The following GALNT17 variants were observed in gnomAD, a reference collection of about 807,000 sequenced individuals.
GALNT17 encodes the protein UDP-GalNAc:polypeptide N-acetylgalactosaminyltransferase-like 3.
A neutral mutation model predicts 63.7 loss-of-function variants in GALNT17; 29 were observed. That is an observed-to-expected ratio of 0.46 (90% CI 0.34 to 0.62). The LOEUF (loss-of-function observed/expected upper bound fraction) is 0.62. Ranked by LOEUF, GALNT17 falls within the 20% of genes least tolerant of loss-of-function variation. The pLI, the probability that GALNT17 is intolerant of heterozygous loss-of-function variation, is 0.01. For missense variants in GALNT17, 603 were observed against 799.6 expected, an observed-to-expected ratio of 0.75 and a Z score of 2.97; for synonymous variants, 305 against 318.3, an observed-to-expected ratio of 0.96 and a Z score of 0.45.
intron 1 of GALNT17, among the ~76,000 whole-genome samples, chr7:71,178,093 G>A (rs1467562249): frequency 6.6e-6 from 1 of 152,094 alleles, no homozygotes; most frequent in African/African-American, 2.4e-5. Context: ...TCCTTGTAGT[G>A]TGGGTCTGCT....
intron 1 of GALNT17, among the ~76,000 whole-genome samples, chr7:71,299,072 G>A (rs1297060294): frequency 6.6e-6 from 1 of 152,084 alleles, no homozygotes; most frequent in Non-Finnish European, 1.5e-5. Context: ...TGCGGAGAGA[G>A]GGAGACTATA....
chr7:71,382,979 A>G (rs1442636028), intron 2 of GALNT17, among the ~76,000 whole-genome samples: 1 of 152,166 alleles, frequency 6.6e-6, no homozygotes, highest in Non-Finnish European at 1.5e-5. Flanking sequence ...TGAAACAGAA[A>G]CACTGCACCC....
At chr7:71,147,556 A>G (rs1419536571) in intron 1 of GALNT17, among the ~76,000 whole-genome samples, 1 of 152,170 alleles carries the variant, frequency 6.6e-6, no homozygotes, top group Admixed American at 6.5e-5. Context: ...GCATCCTTCA[A>G]TCCAATCAGA....
intron 6 of GALNT17, among the ~76,000 whole-genome samples, chr7:71,611,342 T>G (rs1232938644): frequency 1.3e-5 from 2 of 152,198 alleles, no homozygotes; most frequent in African/African-American, 4.8e-5. Context: ...ACTCACTGGA[T>G]TTTAAGATCC....
intron 5 of GALNT17, among the ~76,000 whole-genome samples, chr7:71,526,359 C>T (rs1031537543): frequency 3.3e-5 from 5 of 151,836 alleles, no homozygotes; most frequent in Non-Finnish European, 7.3e-5. Flanking sequence ...TGAGCCTAGT[C>T]GCAAAATCAG....
At chr7:71,146,337 CCTT>C (rs1408908877) in intron 1 of GALNT17, among the ~76,000 whole-genome samples, 2 of 152,182 alleles carry the variant, frequency 1.3e-5, no homozygotes, top group Admixed American at 6.5e-5. Context: ...TCCTCTCACT[CCTT>C]CTGGATTCAG....
intron 5 of GALNT17, among the ~76,000 whole-genome samples, chr7:71,551,918 A>G (rs1185983968): frequency 6.6e-6 from 1 of 152,286 alleles, no homozygotes; most frequent in East Asian, 1.9e-4. Context: ...CCTTAATGGA[A>G]ATGCAAGGTG....
chr7:71,464,604 T>C (rs539488756), intron 5 of GALNT17, among the ~76,000 whole-genome samples: 2 of 152,260 alleles, frequency 1.3e-5, no homozygotes, highest in Admixed American at 1.3e-4. Flanking sequence ...GCTGGGAAAG[T>C]GATCTTTTCA....
intron 1 of GALNT17, among the ~76,000 whole-genome samples, chr7:71,185,525 T>TTC (rs940166817): frequency 6.8e-6 from 1 of 146,048 alleles, no homozygotes; most frequent in African/African-American, 2.5e-5. Context: ...TTCTTTTCTT[T>TTC]TTTTTTTTTT....
At chr7:71,496,805 C>G (rs1251741526) in intron 5 of GALNT17, among the ~76,000 whole-genome samples, 3 of 152,014 alleles carry the variant, frequency 2.0e-5, no homozygotes, top group Non-Finnish European at 4.4e-5. Context: ...GGGGGCGGAG[C>G]ACTTACACCT....
intron 1 of GALNT17, among the ~76,000 whole-genome samples, chr7:71,160,407 A>T (rs1788320038): frequency 6.6e-6 from 1 of 152,214 alleles, no homozygotes; most frequent in South Asian, 2.1e-4. Context: ...ATGTTGCTAT[A>T]GGCAGATACA....
intron 2 of GALNT17, among the ~76,000 whole-genome samples, chr7:71,342,438 GAA>G (rs1482724172): frequency 6.6e-6 from 1 of 152,052 alleles, no homozygotes; most frequent in African/African-American, 2.4e-5. Context: ...CCCACACTGG[GAA>G]TTACATTTCA....
intron 1 of GALNT17, among the ~76,000 whole-genome samples, chr7:71,160,690 CTCAGGTGA>C (rs1159132643): frequency 1.3e-5 from 2 of 152,132 alleles, no homozygotes; most frequent in Non-Finnish European, 2.9e-5. Flanking sequence ...AACTCCCAAC[CTCAGGTGA>C]TCTGCCTGCC....
intron 5 of GALNT17, among the ~76,000 whole-genome samples, chr7:71,562,954 TGAAAA>T (rs1456840699): frequency 1.3e-5 from 2 of 152,186 alleles, no homozygotes; most frequent in South Asian, 4.1e-4. Flanking sequence ...TTTTCACCTA[TGAAAA>T]GAAAACACAA....
At chr7:71,565,845 CTTT>C (rs71738437) in intron 5 of GALNT17, among the ~76,000 whole-genome samples, 10 of 127,822 alleles carry the variant, frequency 7.8e-5, no homozygotes, top group Non-Finnish European at 1.1e-4. Flanking sequence ...CTTCTCTTTT[CTTT>C]TTTTTTTTTT....
intron 5 of GALNT17, among the ~76,000 whole-genome samples, chr7:71,468,598 G>A (rs1787576753): frequency 6.6e-6 from 1 of 151,538 alleles, no homozygotes; most frequent in Non-Finnish European, 1.5e-5. Flanking sequence ...TTTGTTTTTA[G>A]TAGAGCCATA....
chr7:71,203,315 C>T (rs1176893311), intron 1 of GALNT17, among the ~76,000 whole-genome samples: 1 of 152,164 alleles, frequency 6.6e-6, no homozygotes, highest in African/African-American at 2.4e-5. Context: ...TATCTTTCGT[C>T]TTTTTGAAAA....
intron 1 of GALNT17, among the ~76,000 whole-genome samples, chr7:71,166,363 T>C (rs1788440675): frequency 6.6e-6 from 1 of 152,228 alleles, no homozygotes; most frequent in Non-Finnish European, 1.5e-5. Flanking sequence ...ATAATTGACA[T>C]ACTAAAAACT....
intron 2 of GALNT17, among the ~76,000 whole-genome samples, chr7:71,360,796 G>A (rs1234525057): frequency 1.3e-5 from 2 of 152,072 alleles, no homozygotes; most frequent in African/African-American, 4.8e-5. Context: ...AAATTAGCTG[G>A]GTATGGTGGC....
Sources: allele counts gnomAD v4.1 joint callset (sites outside exome capture counted in the v4.1 genomes callset), GRCh38; gene constraint gnomAD v4.1.1; transcripts MANE v1.5; gene names NCBI Gene and HGNC (gene_info 2026-07-23, HGNC 2026-07-21).